STRC: variants seen among roughly 807,000 people sequenced by gnomAD.
The protein encoded by STRC is stereocilin.
A neutral mutation model predicts 103.5 loss-of-function variants in STRC; 43 were observed. The observed-to-expected ratio is 0.42, with a 90% confidence interval of 0.33 to 0.54. The LOEUF (loss-of-function observed/expected upper bound fraction) is 0.54, where lower values mean the gene tolerates loss of function less well. STRC is among the 20% of genes least tolerant of loss of function. STRC has a pLI of 0.14. For missense variants in STRC, 499 were observed against 1,088.5 expected (o/e 0.46, Z 7.62); for synonymous variants, 186 against 442.3 (o/e 0.42, Z 7.27).
intron 23 of STRC, 41 bp downstream of exon 23, chr15:43,603,201 G>A: frequency 6.2e-7 from 1 of 1,605,672 alleles, no homozygotes; most frequent in Non-Finnish European, 8.5e-7. Flanking sequence ...CACCCAAATA[G>A]CTTCCTCATG....
chr15:43,603,229 C>T lies in STRC; in HGVS notation c.4545+13G>A, dbSNP rs751323934. On this transcript the variant is annotated intron_variant, in intron 23 of 28. Transcript: ENST00000450892. Reference sequence around the variant, plus strand: ...TCCTCATGGCCAACCCCAGTTGGCTCTCCATCCCTAACCTGTTTTGCTTTG... The same window carrying T: ...TCCTCATGGCCAACCCCAGTTGGCTTTCCATCCCTAACCTGTTTTGCTTTG... 2 of 1,613,012 alleles carry T rather than the reference C, an allele frequency of 1.2e-6. No individual in the cohort carries two copies. Among genetic ancestry groups the T allele is most frequent in the Admixed American group, 1.7e-5 (1 of 59,992 alleles).
intron 24 of STRC, 90 bp downstream of exon 24, chr15:43,601,306 G>C: frequency 6.3e-7 from 1 of 1,587,766 alleles, no homozygotes; most frequent in Non-Finnish European, 8.6e-7. Flanking sequence ...AGGGTCACAG[G>C]AAAAAAATTC....
Position 43,609,327 on chromosome 15 carries a change from A to C in STRC, c.3506T>G (p.Phe1169Cys). ...ELPWSEQQAQ[F>C]LWKKMQVPTN... ...GGGTACTTGCATCTTCTTCCAGAGA[A>C]ACTGTGCCTACAAGAGAAAGAAAGA... Residue 1169 changes from phenylalanine to cysteine, a missense_variant, in exon 16 of 29, where the codon TTT becomes TGT. Coordinates refer to ENST00000450892, the MANE Select transcript of STRC (RefSeq NM_153700.2). 1 of 1,609,022 alleles carries C rather than the reference A, an allele frequency of 6.2e-7. No individual in the cohort carries two copies. Among genetic ancestry groups the C allele is most frequent in the Non-Finnish European group, 8.5e-7 (1 of 1,178,992 alleles).
intron 21 of STRC, 27 bp from the exon 22 acceptor site, chr15:43,604,179 G>C (rs376047430): frequency 3.2e-5 from 51 of 1,608,074 alleles, no homozygotes; most frequent in Non-Finnish European, 4.3e-5. Flanking sequence ...AAGGAGAGTG[G>C]GGAGATCTGG....
rs1453540125 is a variant in STRC, at chr15:43,603,382, C to T, written c.4405G>A (p.Gly1469Arg). ...EPVPNCADVR[G>R]TFPAAWSATQ... is the part of the protein sequence containing the mutation. ...GCAGACCAGGCTGCTGGGAATGTCC[C>T]TCGTACATCTGCACAATTTGGCACA... Residue 1469 changes from glycine to arginine, a missense_variant, in exon 23 of 29, where the codon GGG (glycine) becomes AGG (arginine). Physicochemically the swap from Gly to Arg is moderately radical, Grantham distance 125. Transcript: ENST00000450892. The T allele has an allele frequency of 1.2e-6, 2 of 1,613,596 alleles. No individual in the cohort carries two copies. Among genetic ancestry groups the T allele is most frequent in the Non-Finnish European group, 1.7e-6 (2 of 1,179,894 alleles).
At position 43,605,287 on chromosome 15, in the gene STRC, C is replaced by T; in HGVS notation, c.3907G>A (p.Ala1303Thr). ...ALTPLHQAAL[A>T]ERALQNLAPK... ...ACCAGGTTTTGTAGTGCCCTCTCTGCCAGGGCTGCCTGGTGGAGGGGGGTC... is the reference window on the plus strand; with the variant it reads ...ACCAGGTTTTGTAGTGCCCTCTCTGTCAGGGCTGCCTGGTGGAGGGGGGTC... The change falls in exon 19 of 29, where the codon GCA becomes ACA. Residue 1303 changes from alanine to threonine, a missense_variant. Ala to Thr is a moderately conservative substitution (Grantham distance 58). Coordinates refer to ENST00000450892, the MANE Select transcript of STRC (RefSeq NM_153700.2). 6.3e-7 allele frequency: 1 copy of T among 1,590,526 alleles called. No individual in the cohort carries two copies. Among genetic ancestry groups the T allele is most frequent in the Non-Finnish European group, 8.6e-7 (1 of 1,167,448 alleles).
chr15:43,602,168 CTT>C (rs2085675265), intron 23 of STRC, among the ~76,000 whole-genome samples: 1 of 144,250 alleles, frequency 6.9e-6, no homozygotes, highest in African/African-American at 2.6e-5. Flanking sequence ...TGTCTAGACT[CTT>C]TCCCCCAGAG....
intron 22 of STRC, 194 bp from the exon 23 acceptor site, chr15:43,603,605 AC>A: frequency 1.4e-6 from 1 of 697,456 alleles, no homozygotes; most frequent in Non-Finnish European, 2.5e-6. Flanking sequence ...AGATGCCAAG[AC>A]TTTTATAGAT....
chr15:43,600,433 C>T (rs1398544947), intron 26 of STRC, 101 bp downstream of exon 26: 7 of 1,582,894 alleles, frequency 4.4e-6, no homozygotes, highest in Non-Finnish European at 5.2e-6. Context: ...TTTAAACACC[C>T]TCAGGCCCCC....
At chr15:43,607,042 G>T (rs1266434993) in intron 18 of STRC, among the ~76,000 whole-genome samples, 2 of 149,514 alleles carry the variant, frequency 1.3e-5, no homozygotes. Flanking sequence ...TAGGAATGAA[G>T]TCAACTGCTT....
chr15:43,601,975 C>G (rs2085672496), intron 23 of STRC, among the ~76,000 whole-genome samples: 1 of 151,430 alleles, frequency 6.6e-6, no homozygotes, highest in South Asian at 2.1e-4. Flanking sequence ...CAAAAATTAG[C>G]CAGGTGTGGT....
intron 23 of STRC, among the ~76,000 whole-genome samples, chr15:43,602,845 C>T (rs1331288221): frequency 6.6e-6 from 1 of 151,500 alleles, no homozygotes; most frequent in African/African-American, 2.4e-5. Flanking sequence ...CCGTGTTTCG[C>T]CGTGTTAGAC....
intron 18 of STRC, 107 bp from the exon 19 acceptor site, chr15:43,605,506 T>G: frequency 6.5e-7 from 1 of 1,536,274 alleles, no homozygotes; most frequent in Non-Finnish European, 8.8e-7. Context: ...CCAGACCAAA[T>G]TTAGTGAAGC....
chr15:43,613,449 C>T, intron 7 of STRC: 2 of 625,352 alleles, frequency 3.2e-6, no homozygotes, highest in Non-Finnish European at 5.1e-6. Flanking sequence ...CAGGTTCAAG[C>T]TATCCTCCTG....
In STRC at chr15:43,605,301, T is replaced by G; in HGVS notation, c.3893A>C (p.His1298Pro). 6.3e-7 allele frequency: 1 copy of G among 1,590,428 alleles called. No individual in the cohort carries two copies. Among genetic ancestry groups the G allele is most frequent in the South Asian group, 1.1e-5 (1 of 87,978 alleles). Residue 1298 changes from histidine (H) to proline (P), a missense_variant, in exon 19 of 29, where the codon CAC becomes CCC. By Grantham distance (77) the His-to-Pro change is moderately conservative. Coordinates refer to ENST00000450892, the MANE Select transcript of STRC (RefSeq NM_153700.2). Reference sequence around the variant, plus strand: ...TGCCCTCTCTGCCAGGGCTGCCTGGTGGAGGGGGGTCAGTGCCAGCAGCTG... The same window carrying G: ...TGCCCTCTCTGCCAGGGCTGCCTGGGGGAGGGGGGTCAGTGCCAGCAGCTG... ...PEQLLALTPL[H>P]QAALAERALQ... is the part of the protein sequence containing the mutation.
At chr15:43,604,944 G>A in intron 19 of STRC, 98 bp from the exon 20 acceptor site, 1 of 1,516,574 alleles carries the variant, frequency 6.6e-7, no homozygotes, top group Non-Finnish European at 9.0e-7. Context: ...CCTCCCTCCT[G>A]CTCCCAGCTC....
Position 43,601,553 on chromosome 15 carries a change from T to G in STRC, c.4546-2A>C. 1.2e-6 allele frequency: 2 copies of G among 1,613,646 alleles called. No individual in the cohort carries two copies. The highest frequency in any genetic ancestry group is 1.7e-6 in the Non-Finnish European group (2 of 1,179,706). On this transcript the variant is annotated splice_acceptor_variant, in intron 23 of 28. Coordinates refer to ENST00000450892, the MANE Select transcript of STRC (RefSeq NM_153700.2). LOFTEE classifies it high-confidence loss of function. ...AAATCCCCGGGGGGGACCCCACAAC[T>G]AGGAGAAAGACAGGAACAATGTGAG...
intron 22 of STRC, chr15:43,603,649 G>A (rs1442536565): frequency 1.3e-5 from 8 of 634,106 alleles, no homozygotes; most frequent in African/African-American, 1.8e-5. Flanking sequence ...GAGATTTAAT[G>A]GTAGCACTGA....
chr15:43,605,478 C>A, intron 18 of STRC, 79 bp from the exon 19 acceptor site: 1 of 1,550,538 alleles, frequency 6.4e-7, no homozygotes, highest in Non-Finnish European at 8.7e-7. Flanking sequence ...CCCCACAGTC[C>A]GCAGCTAAGA....
Sources: gnomAD v4.1 joint callset for allele counts (sites outside exome capture counted in the v4.1 genomes callset) on GRCh38, gnomAD v4.1.1 for gene constraint, MANE v1.5 for transcripts, NCBI Gene and HGNC (gene_info 2026-07-23, HGNC 2026-07-21) for gene names.